The following RASAL2 variants were observed in gnomAD, a reference collection of about 807,000 sequenced individuals.
The protein encoded by RASAL2 is ras GTPase-activating protein nGAP.
RASAL2 carries 58 observed loss-of-function variants against 128.9 expected under a neutral mutation model. The ratio of observed to expected loss-of-function variants is 0.45; its 90% confidence interval spans 0.36 to 0.56. The LOEUF (loss-of-function observed/expected upper bound fraction) is 0.56, where lower values mean the gene tolerates loss of function less well. RASAL2 is among the 20% of genes least tolerant of loss of function. RASAL2 has a pLI of 0.00. For missense variants in RASAL2, 1,360 were observed against 1,601.6 expected (o/e 0.85, Z 2.57); for synonymous variants, 561 against 580.8 (o/e 0.97, Z 0.49).
At chr1:178,221,856 G>A (rs984527413) in intron 1 of RASAL2, among the ~76,000 whole-genome samples, 1 of 152,150 alleles carries the variant, frequency 6.6e-6, no homozygotes, top group East Asian at 1.9e-4. Flanking sequence ...TAAGAGGGCT[G>A]TTAAAATTTC....
chr1:178,221,303 T>C (rs1406808527), intron 1 of RASAL2, among the ~76,000 whole-genome samples: 13 of 152,210 alleles, frequency 8.5e-5, no homozygotes. Context: ...TTTATTCTAC[T>C]TACGTTGTAT....
intron 2 of RASAL2, 126 bp from the exon 3 acceptor site, chr1:178,299,866 C>T (rs1667685434): frequency 1.2e-5 from 11 of 941,786 alleles, no homozygotes; most frequent in Non-Finnish European, 1.7e-5. Context: ...TACTTTATTT[C>T]TATATTTCTC....
chr1:178,451,767 A>G, intron 10 of RASAL2, 52 bp downstream of exon 10: 1 of 1,538,082 alleles, frequency 6.5e-7, no homozygotes, highest in Non-Finnish European at 8.8e-7. Flanking sequence ...AGGTCATCAC[A>G]GTGGAACTTA....
chr1:178,391,002 A>T (rs1386972633), intron 4 of RASAL2, among the ~76,000 whole-genome samples: 2 of 152,184 alleles, frequency 1.3e-5, no homozygotes, highest in Non-Finnish European at 2.9e-5. Context: ...TAATCCTAAG[A>T]CTTGGTCTGC....
At chr1:178,124,379 T>C (rs1273690859) in intron 1 of RASAL2, among the ~76,000 whole-genome samples, 1 of 152,180 alleles carries the variant, frequency 6.6e-6, no homozygotes, top group African/African-American at 2.4e-5. Flanking sequence ...AGAGTACTGC[T>C]AAACATTTTA....
chr1:178,230,964 T>C (rs1412826157), intron 1 of RASAL2, among the ~76,000 whole-genome samples: 1 of 152,206 alleles, frequency 6.6e-6, no homozygotes, highest in East Asian at 1.9e-4. Flanking sequence ...TGAGGCGTTC[T>C]TCTCTTTACC....
At chr1:178,285,109 T>C (rs909764036) in intron 2 of RASAL2, among the ~76,000 whole-genome samples, 4 of 127,306 alleles carry the variant, frequency 3.1e-5, no homozygotes, top group East Asian at 4.4e-4. Flanking sequence ...CTTTCTTTTT[T>C]TTTTTTTTTT....
intron 1 of RASAL2, among the ~76,000 whole-genome samples, chr1:178,275,631 T>C (rs546055657): frequency 6.6e-6 from 1 of 152,362 alleles, no homozygotes; most frequent in Non-Finnish European, 1.5e-5. Flanking sequence ...AATTTATTAC[T>C]TTTTTACCAG....
intron 3 of RASAL2, among the ~76,000 whole-genome samples, chr1:178,334,074 C>A (rs369117418): frequency 2.6e-5 from 4 of 152,102 alleles, no homozygotes; most frequent in Admixed American, 2.6e-4. Context: ...ATAGGCCTTG[C>A]GTAATTCCAT....
intron 1 of RASAL2, among the ~76,000 whole-genome samples, chr1:178,249,663 C>T (rs1324752029): frequency 1.3e-5 from 2 of 152,136 alleles, no homozygotes; most frequent in Non-Finnish European, 2.9e-5. Context: ...GGTTTTTCCT[C>T]ATTTTCGTGG....
At chr1:178,397,831 G>A (rs911378049) in intron 4 of RASAL2, among the ~76,000 whole-genome samples, 2 of 149,858 alleles carry the variant, frequency 1.3e-5, no homozygotes, top group African/African-American at 4.9e-5. Flanking sequence ...GCCCAGGCTT[G>A]TCTCAAACTC....
intron 3 of RASAL2, among the ~76,000 whole-genome samples, chr1:178,383,399 T>C (rs1011856681): frequency 1.3e-5 from 2 of 152,134 alleles, no homozygotes; most frequent in African/African-American, 4.8e-5. Flanking sequence ...CTACTGAAAA[T>C]GGTGGATGAA....
chr1:178,360,817 A>G (rs1165801055), intron 3 of RASAL2, among the ~76,000 whole-genome samples: 1 of 152,166 alleles, frequency 6.6e-6, no homozygotes, highest in Non-Finnish European at 1.5e-5. Flanking sequence ...GGTTGCTGGC[A>G]ATGTTTGGTG....
At chr1:178,218,867 A>G (rs1195337065) in intron 1 of RASAL2, among the ~76,000 whole-genome samples, 2 of 152,236 alleles carry the variant, frequency 1.3e-5, no homozygotes, top group Non-Finnish European at 2.9e-5. Flanking sequence ...AGCCCCTAAC[A>G]ACAGAGTCAG....
intron 15 of RASAL2, among the ~76,000 whole-genome samples, chr1:178,464,781 G>C (rs1647476788): frequency 7.0e-6 from 1 of 142,424 alleles, no homozygotes; most frequent in South Asian, 2.1e-4. Context: ...AATTACCCTA[G>C]GGCAAGACTT....
intron 1 of RASAL2, among the ~76,000 whole-genome samples, chr1:178,175,374 C>A (rs1204251267): frequency 1.3e-5 from 2 of 151,544 alleles, no homozygotes; most frequent in Non-Finnish European, 1.5e-5. Context: ...ACAGGACTCT[C>A]CCAGAACTAA....
chr1:178,382,241 T>C (rs950051959), intron 3 of RASAL2, among the ~76,000 whole-genome samples: 37 of 152,206 alleles, frequency 2.4e-4, no homozygotes, highest in African/African-American at 8.9e-4. Context: ...TTTGTTCACA[T>C]TTTTTCACCA....
chr1:178,300,340 G>C (rs967525953), intron 3 of RASAL2, among the ~76,000 whole-genome samples: 1 of 152,168 alleles, frequency 6.6e-6, no homozygotes, highest in South Asian at 2.1e-4. Flanking sequence ...GCACTAGTAA[G>C]GTTGCTGTTT....
At chr1:178,142,700 A>G (rs1660577252) in intron 1 of RASAL2, among the ~76,000 whole-genome samples, 3 of 152,226 alleles carry the variant, frequency 2.0e-5, no homozygotes, top group Middle Eastern at 3.4e-3. Flanking sequence ...CTGTATGCCT[A>G]ATGCCTGGGA....
Sources: allele counts gnomAD v4.1 joint callset (sites outside exome capture counted in the v4.1 genomes callset), GRCh38; gene constraint gnomAD v4.1.1; transcripts MANE v1.5; gene names NCBI Gene and HGNC (gene_info 2026-07-23, HGNC 2026-07-21).